The following PAPPA2 variants were observed in gnomAD, a reference collection of about 807,000 sequenced individuals.
PAPPA2 encodes pappalysin-2.
PAPPA2 carries 86 observed loss-of-function variants against 176.4 expected under a neutral mutation model. The ratio of observed to expected loss-of-function variants is 0.49; its 90% CI spans 0.41 to 0.58. PAPPA2 has a LOEUF of 0.58. PAPPA2 is among the 20% of genes least tolerant of loss of function. The probability of loss-of-function intolerance (pLI) is 0.00; values close to 1 mark genes in which losing one functional copy is unlikely to be tolerated. For missense variants in PAPPA2, 2,073 were observed against 2,256.9 expected, an observed-to-expected ratio of 0.92 and a Z score of 1.65; for synonymous variants, 809 against 852.2, an observed-to-expected ratio of 0.95 and a Z score of 0.88.
At chr1:176,724,521 T>G (rs77092512) in intron 12 of PAPPA2, among the ~76,000 whole-genome samples, 1 of 152,202 alleles carries the variant, frequency 6.6e-6, no homozygotes, top group Non-Finnish European at 1.5e-5. Flanking sequence ...CAATTTGGAA[T>G]GGTCTCGTTC....
At chr1:176,719,516 C>T (rs1313815502) in intron 12 of PAPPA2, among the ~76,000 whole-genome samples, 2 of 152,176 alleles carry the variant, frequency 1.3e-5, no homozygotes, top group East Asian at 3.8e-4. Context: ...TTTGCACTTT[C>T]AATGTTATGA....
chr1:176,806,585 G>A (rs530427472), intron 21 of PAPPA2, among the ~76,000 whole-genome samples: 1 of 152,270 alleles, frequency 6.6e-6, no homozygotes, highest in African/African-American at 2.4e-5. Context: ...GCTTAACACA[G>A]CTCCATCTCT....
intron 2 of PAPPA2, among the ~76,000 whole-genome samples, chr1:176,561,129 G>C (rs1651644821): frequency 6.6e-6 from 1 of 152,180 alleles, no homozygotes; most frequent in Admixed American, 6.5e-5. Flanking sequence ...ACGCTTATCA[G>C]GGCTGTGGTC....
intron 2 of PAPPA2, among the ~76,000 whole-genome samples, chr1:176,565,892 C>T (rs1651946982): frequency 6.6e-6 from 1 of 152,172 alleles, no homozygotes; most frequent in Non-Finnish European, 1.5e-5. Flanking sequence ...ACCAAGCTCC[C>T]TCTTCTGGCT....
At chr1:176,598,420 A>G (rs1184167399) in intron 3 of PAPPA2, among the ~76,000 whole-genome samples, 1 of 152,210 alleles carries the variant, frequency 6.6e-6, no homozygotes, top group Non-Finnish European at 1.5e-5. Context: ...ATCCTTCCAT[A>G]TAATTACTAT....
At chr1:176,720,263 C>T (rs1186950306) in intron 12 of PAPPA2, among the ~76,000 whole-genome samples, 1 of 152,078 alleles carries the variant, frequency 6.6e-6, no homozygotes, top group Non-Finnish European at 1.5e-5. Flanking sequence ...TTACCATAAC[C>T]TTATTGTAGC....
Position 176,843,557 on chromosome 1 carries a change from A to T in PAPPA2, c.*1103A>T, listed in dbSNP as rs1667557909. The T allele has an allele frequency of 6.6e-6, 1 of 151,712 alleles. No homozygotes were observed. Among genetic ancestry groups the T allele is most frequent in the East Asian group, 1.9e-4 (1 of 5,152 alleles). The allele number at this position is 151,712 out of a possible 1,614,324, so 9.4% of individuals were successfully genotyped here. On this transcript the variant is annotated 3_prime_UTR_variant, in exon 23 of 23. Coordinates refer to ENST00000367662, the MANE Select transcript of PAPPA2 (RefSeq NM_020318.3). ...TCACCAGGATTACAGGAACTCACAC[A>T]CTCCTCATACTTGGCCTGTAGTCCT... is the stretch of plus-strand genomic sequence containing the variant.
At chr1:176,618,292 A>G (rs569674387) in intron 3 of PAPPA2, among the ~76,000 whole-genome samples, 6 of 152,306 alleles carry the variant, frequency 3.9e-5, no homozygotes, top group Non-Finnish European at 8.8e-5. Flanking sequence ...TTGTCAAAAC[A>G]GTTTTCCCAG....
rs188219428 is a variant in PAPPA2, at chr1:176,660,511, A to T, written c.1992-10459A>T. 1.1e-4 allele frequency among the ~76,000 whole-genome samples: 17 copies of T among 152,240 alleles called. No individual in the cohort carries two copies. The East Asian group carries it at 2.5e-3, about 23-fold the overall frequency. ...ATGAATTCTTGCAAGACATTGATTAAATTACTGAATGAAATAGGGGCAAAT... is the reference window on the plus strand; with the variant it reads ...ATGAATTCTTGCAAGACATTGATTATATTACTGAATGAAATAGGGGCAAAT... On this transcript the variant is annotated intron_variant, in intron 3 of 22. Transcript: ENST00000367662.
At chr1:176,491,561 AG>A (rs1647293953) in intron 1 of PAPPA2, among the ~76,000 whole-genome samples, 2 of 152,344 alleles carry the variant, frequency 1.3e-5, no homozygotes, top group African/African-American at 4.8e-5. Flanking sequence ...AAAAAATTGT[AG>A]GTAGAACCAG....
intron 1 of PAPPA2, among the ~76,000 whole-genome samples, chr1:176,521,071 AGTGTGT>A (rs71643354): frequency 6.7e-6 from 1 of 149,888 alleles, no homozygotes; most frequent in East Asian, 2.0e-4. Flanking sequence ...ATAACACTGG[AGTGTGT>A]GTGTGTGTGT....
intron 1 of PAPPA2, among the ~76,000 whole-genome samples, chr1:176,554,439 CA>C (rs2102586462): frequency 1.3e-5 from 2 of 152,274 alleles, no homozygotes; most frequent in East Asian, 3.9e-4. Flanking sequence ...TGTGTTTGTC[CA>C]TGTATACATG....
At chr1:176,679,141 C>A (rs1378458559) in intron 4 of PAPPA2, among the ~76,000 whole-genome samples, 1 of 152,160 alleles carries the variant, frequency 6.6e-6, no homozygotes, top group Non-Finnish European at 1.5e-5. Context: ...TTTTCTCATA[C>A]TCCTCTGACT....
intron 1 of PAPPA2, among the ~76,000 whole-genome samples, chr1:176,487,735 A>ATGTGATT (rs1652710448): frequency 6.6e-6 from 1 of 152,198 alleles, no homozygotes; most frequent in South Asian, 2.1e-4. Flanking sequence ...GACAAATAAA[A>ATGTGATT]TGTGATTCCT....
intron 3 of PAPPA2, among the ~76,000 whole-genome samples, chr1:176,619,144 A>G (rs1324748704): frequency 6.6e-6 from 1 of 152,192 alleles, no homozygotes; most frequent in Middle Eastern, 3.2e-3. Flanking sequence ...TTAAACTGAA[A>G]CTTGCAGTAA....
chr1:176,567,131 T>C (rs561113202), intron 2 of PAPPA2, among the ~76,000 whole-genome samples: 1 of 152,366 alleles, frequency 6.6e-6, no homozygotes, highest in African/African-American at 2.4e-5. Context: ...GCATCGTTTC[T>C]TTCCCATGTT....
At chr1:176,634,761 C>A (rs1382077159) in intron 3 of PAPPA2, among the ~76,000 whole-genome samples, 1 of 151,016 alleles carries the variant, frequency 6.6e-6, no homozygotes, top group African/African-American at 2.4e-5. Flanking sequence ...TTGATTTCCA[C>A]TTAGGATTAA....
At chr1:176,636,445 A>G (rs1373901767) in intron 3 of PAPPA2, among the ~76,000 whole-genome samples, 1 of 152,168 alleles carries the variant, frequency 6.6e-6, no homozygotes, top group Non-Finnish European at 1.5e-5. Flanking sequence ...GTTAATTCCT[A>G]TCAATTGTAT....
At chr1:176,506,328 T>C (rs1252507039) in intron 1 of PAPPA2, among the ~76,000 whole-genome samples, 1 of 152,112 alleles carries the variant, frequency 6.6e-6, no homozygotes, top group Non-Finnish European at 1.5e-5. Context: ...GCTTTGGCTA[T>C]TCAGGCTTTT....
Sources: gnomAD v4.1 joint callset for allele counts (sites outside exome capture counted in the v4.1 genomes callset) on GRCh38, gnomAD v4.1.1 for gene constraint, MANE v1.5 for transcripts, NCBI Gene and HGNC (gene_info 2026-07-23, HGNC 2026-07-21) for gene names.